MARF1: variants seen among roughly 807,000 people sequenced by gnomAD.
MARF1 encodes limkain-b1.
MARF1 carries 24 observed loss-of-function variants against 168.2 expected under a neutral mutation model. The ratio of observed to expected loss-of-function variants is 0.14; its 90% CI spans 0.10 to 0.20. The LOEUF is 0.20. MARF1 is among the 10% of genes least tolerant of loss of function. MARF1 has a pLI of 1.00. For missense variants in MARF1, 1,744 were observed against 2,143.6 expected (o/e 0.81, Z 3.68); for synonymous variants, 868 against 822.4 (o/e 1.06, Z -0.95).
Position 15,604,410 on chromosome 16 carries a change from G to A in MARF1, c.4183-12C>T, listed in dbSNP as rs939576567. The A allele has an allele frequency of 1.9e-5, 30 of 1,589,864 alleles. No individual in the cohort carries two copies. The highest frequency in any genetic ancestry group is 2.4e-5 in the Non-Finnish European group (28 of 1,158,126). On this transcript the variant is annotated splice_polypyrimidine_tract_variant and intron_variant, in intron 21 of 26. Transcript: ENST00000396368. ...TCTATATCGGCAACCTGGGGAAAAC[G>A]AGAATTCACACTTTTCAGAGCTCAA... is the stretch of plus-strand genomic sequence containing the variant.
intron 25 of MARF1, 29 bp downstream of exon 25, chr16:15,600,399 C>G: frequency 6.2e-7 from 1 of 1,613,872 alleles, no homozygotes; most frequent in Non-Finnish European, 8.5e-7. Context: ...ATTTCACAAG[C>G]TCCTATGTCT....
At chr16:15,630,288 A>G (rs529159430) in intron 7 of MARF1, 44 bp downstream of exon 7, 7 of 1,560,950 alleles carry the variant, frequency 4.5e-6, no homozygotes, top group African/African-American at 1.4e-5. Flanking sequence ...CAGCCTCCAC[A>G]ATGTAATATT....
chr16:15,638,668 A>T (rs2035755966), intron 2 of MARF1, among the ~76,000 whole-genome samples: 1 of 152,234 alleles, frequency 6.6e-6, no homozygotes, highest in Non-Finnish European at 1.5e-5. Context: ...GTAAATATTC[A>T]AGAGAAATCT....
intron 21 of MARF1, among the ~76,000 whole-genome samples, chr16:15,605,008 G>A (rs904008318): frequency 6.6e-5 from 10 of 152,202 alleles, no homozygotes; most frequent in Admixed American, 3.9e-4. Flanking sequence ...GAGATAAAGG[G>A]TTTAAGCGGT....
intron 25 of MARF1, 43 bp downstream of exon 25, chr16:15,600,385 T>C: frequency 1.2e-6 from 2 of 1,612,368 alleles, no homozygotes; most frequent in South Asian, 2.2e-5. Flanking sequence ...CCGTTTCTCC[T>C]AGAATTTCAC....
chr16:15,600,281 T>A, intron 25 of MARF1, 147 bp downstream of exon 25: 1 of 1,069,822 alleles, frequency 9.3e-7, no homozygotes, highest in Non-Finnish European at 1.4e-6. Context: ...ACTAACTAAA[T>A]ACCAAAACTG....
At chr16:15,605,515 A>G (rs2032933339) in intron 21 of MARF1, among the ~76,000 whole-genome samples, 1 of 152,110 alleles carries the variant, frequency 6.6e-6, no homozygotes, top group Non-Finnish European at 1.5e-5. Flanking sequence ...ACCAACCGAT[A>G]CAAGTCCAGG....
intron 23 of MARF1, chr16:15,600,902 G>T (rs2032355713): frequency 4.2e-6 from 3 of 708,198 alleles, no homozygotes; most frequent in Non-Finnish European, 7.7e-6. Context: ...ATAAAAAGCA[G>T]AGTAGTTCAA....
intron 20 of MARF1, chr16:15,608,797 A>G (rs2033254300): frequency 2.3e-6 from 1 of 442,672 alleles, no homozygotes; most frequent in Admixed American, 3.8e-5. Flanking sequence ...AAAGCACTTC[A>G]GTAGTAAAAA....
intron 25 of MARF1, among the ~76,000 whole-genome samples, chr16:15,599,468 G>A (rs892441721): frequency 7.9e-5 from 12 of 152,234 alleles, no homozygotes; most frequent in Non-Finnish European, 1.5e-4. Flanking sequence ...AGCCTCCGCT[G>A]CACAACGGAG....
At position 15,630,312 on chromosome 16, in the gene MARF1, A is replaced by T; in HGVS notation, c.1524+20T>A. The T allele has an allele frequency of 6.3e-7, 1 of 1,587,238 alleles. No individual in the cohort carries two copies. Among genetic ancestry groups the T allele is most frequent in the Non-Finnish European group, 8.6e-7 (1 of 1,162,054 alleles). ...CAATGTAATATTGGAAAATGGCAAA[A>T]ATAACGCAAACCCACTTACTGGCAT... is the stretch of plus-strand genomic sequence containing the variant. On this transcript the variant is annotated intron_variant, in intron 7 of 26. Transcript: ENST00000396368.
Position 15,624,791 on chromosome 16 carries a change from C to G in MARF1, c.2248G>C (p.Ala750Pro). ...CACCTAGAAGACCAAGACTGAGATGCGAGCAGAGGACTGACTTGCCTGGAT... is the reference window on the plus strand; with the variant it reads ...CACCTAGAAGACCAAGACTGAGATGGGAGCAGAGGACTGACTTGCCTGGAT... ...VASRQVSPLL[A>P]SQSWSSRSMS... Residue 750 changes from alanine to proline, a missense_variant, in exon 10 of 27, where the codon GCA becomes CCA. Transcript: ENST00000396368. 6.2e-7 allele frequency: 1 copy of G among 1,614,086 alleles called. No homozygotes were observed. The highest frequency in any genetic ancestry group is 8.5e-7 in the Non-Finnish European group (1 of 1,179,992).
chr16:15,624,907 C>G lies in MARF1; in HGVS notation c.2132G>C (p.Arg711Pro). ...CTCTACAGGAGAACTGGTAACACTT[C>G]GGGCACTGAGGTTCTCCTTTCTAAC... ...TSQKKENLSA[R>P]SVTSSPVEKK... The change falls in exon 10 of 27, where the codon CGA (arginine) becomes CCA (proline). Residue 711 changes from arginine (R) to proline (P), a missense_variant. Physicochemically the swap from Arg to Pro is moderately radical, Grantham distance 103 (BLOSUM62 -2). Around this residue, in one of 7 missense-constraint regions of MARF1, gnomAD observed 270 missense variants for 260.6 expected, o/e 1.04. Transcript: ENST00000396368. The G allele has an allele frequency of 1.2e-6, 2 of 1,614,126 alleles. No individual in the cohort carries two copies. The highest frequency in any genetic ancestry group is 1.7e-6 in the Non-Finnish European group (2 of 1,180,010).
At position 15,627,599 on chromosome 16, in the gene MARF1, CAG is replaced by C. The variant is rs368244334; in HGVS notation, c.1525-1801_1525-1800del. On this transcript the variant is annotated intron_variant, in intron 7 of 26. Transcript: ENST00000396368. ...CGCCACTGCACTCTAGCCTGGGTGA[CAG>C]AGTCTCAAAAAAATTTTTTTTAAAT... 4.1e-3 allele frequency among the ~76,000 whole-genome samples: 617 copies of C among 152,182 alleles called. 1 individual carries two copies. The highest frequency in any genetic ancestry group is 6.4e-3 in the Non-Finnish European group (433 of 68,008).
chr16:15,602,543 A>AAG (rs1421360942), intron 22 of MARF1: 1 of 507,816 alleles, frequency 2.0e-6, no homozygotes, highest in Non-Finnish European at 3.7e-6. Flanking sequence ...AAAGAAGACG[A>AAG]AGACGACGAA....
chr16:15,637,117 T>C (rs1181332110), intron 2 of MARF1, among the ~76,000 whole-genome samples: 1 of 152,212 alleles, frequency 6.6e-6, no homozygotes, highest in African/African-American at 2.4e-5. Context: ...TTGTATGACC[T>C]TGGGTAAGTT....
chr16:15,621,523 G>A (rs2034460017), intron 12 of MARF1: 1 of 548,650 alleles, frequency 1.8e-6, no homozygotes, highest in African/African-American at 1.9e-5. Flanking sequence ...CCAAGTGCCT[G>A]TCAAGTTTAA....
chr16:15,633,534 ACT>A, intron 5 of MARF1, 81 bp downstream of exon 5: 3 of 1,070,256 alleles, frequency 2.8e-6, no homozygotes, highest in Non-Finnish European at 4.1e-6. Context: ...TGACACTTAG[ACT>A]CTGTCTCAAA....
At chr16:15,614,556 C>T (rs1329349890) in intron 16 of MARF1, among the ~76,000 whole-genome samples, 2 of 146,906 alleles carry the variant, frequency 1.4e-5, no homozygotes, top group African/African-American at 2.5e-5. Context: ...GAGGCTGAGG[C>T]GGGCGGATCA....
Sources: allele counts gnomAD v4.1 joint callset (sites outside exome capture counted in the v4.1 genomes callset), GRCh38; gene constraint gnomAD v4.1.1; regional missense constraint gnomAD v4.1.1; transcripts MANE v1.5; gene names NCBI Gene and HGNC (gene_info 2026-07-23, HGNC 2026-07-21).